The following BLTP2 variants were observed in gnomAD, a reference collection of about 807,000 sequenced individuals.
BLTP2 encodes U937-associated antigen.
the BLTP2 span, chr17:28,633,570 G>A: frequency 1.2e-6 from 2 of 1,613,914 alleles, no homozygotes; most frequent in South Asian, 2.2e-5. Flanking sequence ...GCTGGTGCAG[G>A]TTCGCCTGTT....
the BLTP2 span, among the ~76,000 whole-genome samples, chr17:28,629,015 A>G: frequency 3.5e-4 from 53 of 151,766 alleles, no homozygotes; most frequent in African/African-American, 1.2e-3. Context: ...CTTTTATATT[A>G]TATTACATTC....
the BLTP2 span, chr17:28,638,297 C>T: frequency 6.2e-6 from 10 of 1,613,352 alleles, 1 homozygote; most frequent in South Asian, 8.8e-5. Flanking sequence ...CCCAAACATG[C>T]ATATTGGGTG....
chr17:28,644,320 G>C, the BLTP2 span: 1 of 948,050 alleles, frequency 1.1e-6, no homozygotes, highest in Non-Finnish European at 1.6e-6. Flanking sequence ...TTCTTCCAAA[G>C]CACCACTCTG....
At chr17:28,635,326 G>A in the BLTP2 span, 1 of 1,614,230 alleles carries the variant, frequency 6.2e-7, no homozygotes. Flanking sequence ...CACACTCTCT[G>A]CAGCCAGGGT....
At chr17:28,635,138 A>C in the BLTP2 span, 1 of 1,613,874 alleles carries the variant, frequency 6.2e-7, no homozygotes, top group Admixed American at 1.7e-5. Flanking sequence ...GAGAGGAGCC[A>C]AACACGGTTC....
At chr17:28,629,393 C>T in the BLTP2 span, among the ~76,000 whole-genome samples, 2 of 151,956 alleles carry the variant, frequency 1.3e-5, no homozygotes, top group African/African-American at 4.8e-5. Flanking sequence ...CAGGTTCAAG[C>T]GATTCTCATG....
the BLTP2 span, chr17:28,644,967 C>T: frequency 1.9e-5 from 29 of 1,561,386 alleles, no homozygotes; most frequent in Non-Finnish European, 1.6e-5. Flanking sequence ...CCGCCGCCGC[C>T]GGCGCGGCCG....
chr17:28,635,219 C>T, the BLTP2 span: 1 of 1,614,052 alleles, frequency 6.2e-7, no homozygotes, highest in Non-Finnish European at 8.5e-7. Context: ...AGCAGCTGCA[C>T]CTCCACCTCC....
the BLTP2 span, chr17:28,634,207 G>A: frequency 4.4e-6 from 4 of 899,438 alleles, no homozygotes; most frequent in African/African-American, 5.0e-5. Context: ...GAGAGAACAA[G>A]GGCAGGCAGT....
chr17:28,640,016 A>G, the BLTP2 span: 1 of 1,613,624 alleles, frequency 6.2e-7, no homozygotes, highest in South Asian at 1.1e-5. Context: ...TCAGAGTCCA[A>G]GTCAGGTGCC....
chr17:28,626,210 C>T, the BLTP2 span, among the ~76,000 whole-genome samples: 2 of 152,202 alleles, frequency 1.3e-5, no homozygotes, highest in Non-Finnish European at 2.9e-5. Flanking sequence ...TGTTCAAAAA[C>T]ATTCAGTAGT....
chr17:28,640,485 T>C, the BLTP2 span: 251 of 1,498,408 alleles, frequency 1.7e-4, no homozygotes, highest in Admixed American at 2.5e-4. Flanking sequence ...CAGCAAATAC[T>C]AGGCTGGTTA....
the BLTP2 span, chr17:28,635,421 T>C: frequency 2.5e-6 from 4 of 1,614,180 alleles, no homozygotes; most frequent in South Asian, 2.2e-5. Context: ...TTGGGGGTAA[T>C]GGCTCAGGGG....
chr17:28,633,920 T>C, the BLTP2 span: 42 of 1,613,964 alleles, frequency 2.6e-5, no homozygotes, highest in South Asian at 4.6e-4. Context: ...AGAATTTGAG[T>C]GGGGGCATGT....
the BLTP2 span, chr17:28,616,478 A>C: frequency 6.2e-7 from 1 of 1,614,228 alleles, no homozygotes; most frequent in Non-Finnish European, 8.5e-7. This position sits in a 1 kb window ranked among gnomAD's most constrained non-coding sequence, Gnocchi z 4.8. Flanking sequence ...CATCTGTTGC[A>C]ATCAGCTGCC....
At chr17:28,638,104 A>C in the BLTP2 span, 45 of 1,612,680 alleles carry the variant, frequency 2.8e-5, no homozygotes, top group Admixed American at 3.2e-4. Flanking sequence ...CCTAGAGAAG[A>C]AGCAGACGGA....
the BLTP2 span, chr17:28,640,173 T>A: frequency 1.2e-6 from 1 of 816,600 alleles, no homozygotes; most frequent in African/African-American, 1.7e-5. Context: ...GGCAGGGGGA[T>A]CACGAGGTCA....
At chr17:28,621,190 A>G in the BLTP2 span, 1 of 1,609,514 alleles carries the variant, frequency 6.2e-7, no homozygotes, top group Non-Finnish European at 8.5e-7. Flanking sequence ...GGTGGGAAAG[A>G]GATAAGAAAA....
chr17:28,625,876 C>T, the BLTP2 span, among the ~76,000 whole-genome samples: 6 of 152,058 alleles, frequency 3.9e-5, no homozygotes, highest in South Asian at 2.1e-4. Context: ...GCAATTCTAC[C>T]GTCTCAGCCT....
Sources: gnomAD v4.1 joint callset for allele counts (sites outside exome capture counted in the v4.1 genomes callset) on GRCh38, gnomAD v4.1.1 for gene constraint, Gnocchi (gnomAD v3.1) non-coding constraint, MANE v1.5 for transcripts, NCBI Gene and HGNC (gene_info 2026-07-23, HGNC 2026-07-21) for gene names.